Variants in NWD2 observed in about 807,000 individuals in gnomAD.
NWD2 encodes the protein NACHT and WD repeat domain-containing protein 2.
Under a neutral mutation model 132.7 loss-of-function variants are expected in NWD2, and 37 were observed. The ratio of observed to expected loss-of-function variants is 0.28; its 90% confidence interval spans 0.21 to 0.37. The LOEUF (loss-of-function observed/expected upper bound fraction) is 0.37. NWD2 is among the 10% of genes least tolerant of loss of function. NWD2 has a pLI of 1.00. For missense variants in NWD2, 1,592 were observed against 2,122.4 expected, an observed-to-expected ratio of 0.75 and a Z score of 4.91; for synonymous variants, 705 against 803.0, an observed-to-expected ratio of 0.88 and a Z score of 2.06.
chr4:37,315,601 T>G (rs1365995912), intron 1 of NWD2, among the ~76,000 whole-genome samples: 1 of 152,098 alleles, frequency 6.6e-6, no homozygotes, highest in African/African-American at 2.4e-5. Context: ...AAAGTGTGTC[T>G]TTTATATTTA....
At position 37,447,333 on chromosome 4, in the gene NWD2, G is replaced by A; in HGVS notation, c.*116G>A. 3 of 800,982 alleles carry A rather than the reference G, an allele frequency of 3.7e-6. No individual in the cohort carries two copies. The highest frequency in any genetic ancestry group is 2.9e-5 in the Admixed American group (1 of 34,574). The allele number at this position is 800,982 out of a possible 1,614,324, so 49.6% of individuals were successfully genotyped here. ...AGGCAGGAGCGATGCTGGAATTCCA[G>A]TGTTTTATTAAGATGTTCATGAAAT... On this transcript the variant is annotated 3_prime_UTR_variant, in exon 7 of 7. Coordinates refer to ENST00000309447, the MANE Select transcript of NWD2 (RefSeq NM_001144990.2).
At chr4:37,376,773 C>T (rs756603027) in intron 3 of NWD2, among the ~76,000 whole-genome samples, 12 of 152,128 alleles carry the variant, frequency 7.9e-5, no homozygotes, top group Non-Finnish European at 1.5e-4. Flanking sequence ...TATTGGTCCA[C>T]GCTTTCATGT....
At chr4:37,343,924 C>A (rs1264654923) in intron 2 of NWD2, among the ~76,000 whole-genome samples, 1 of 151,828 alleles carries the variant, frequency 6.6e-6, no homozygotes, top group Non-Finnish European at 1.5e-5. Flanking sequence ...GTTTTTAGAC[C>A]AATTTAGCAC....
chr4:37,396,032 G>A (rs1720786491), intron 3 of NWD2, among the ~76,000 whole-genome samples: 1 of 152,076 alleles, frequency 6.6e-6, no homozygotes, highest in Non-Finnish European at 1.5e-5. Context: ...CAAACTCCAA[G>A]TTCTCTGTTC....
intron 1 of NWD2, among the ~76,000 whole-genome samples, chr4:37,292,854 A>G (rs111964825): frequency 5.3e-5 from 8 of 152,248 alleles, no homozygotes; most frequent in East Asian, 1.9e-4. Context: ...TTGAGAATCT[A>G]ATGCCACCAC....
intron 3 of NWD2, among the ~76,000 whole-genome samples, chr4:37,406,875 A>G (rs972875108): frequency 6.6e-6 from 1 of 152,210 alleles, no homozygotes; most frequent in Non-Finnish European, 1.5e-5. Context: ...CAGCCTGAGC[A>G]ACAAGAGCAA....
At chr4:37,332,973 G>T (rs1719324921) in intron 2 of NWD2, among the ~76,000 whole-genome samples, 1 of 152,178 alleles carries the variant, frequency 6.6e-6, no homozygotes, top group South Asian at 2.1e-4. Flanking sequence ...TGAGCTTGGG[G>T]TAGTGGTGGC....
chr4:37,322,476 G>T (rs1719088112), intron 1 of NWD2, among the ~76,000 whole-genome samples: 1 of 152,190 alleles, frequency 6.6e-6, no homozygotes. Flanking sequence ...TATAATCTAA[G>T]AATCAAGTGA....
chr4:37,312,999 G>A (rs1718881284), intron 1 of NWD2, among the ~76,000 whole-genome samples: 1 of 151,070 alleles, frequency 6.6e-6, no homozygotes, highest in Admixed American at 6.6e-5. Context: ...TGGTGGATAA[G>A]CTTTTTGATG....
chr4:37,254,372 AG>A (rs947687318), intron 1 of NWD2, among the ~76,000 whole-genome samples: 2 of 152,348 alleles, frequency 1.3e-5, no homozygotes, highest in Admixed American at 1.3e-4. Flanking sequence ...CAGCTGCAGA[AG>A]ATCTGTAATA....
chr4:37,336,981 G>A (rs1037792989), intron 2 of NWD2, among the ~76,000 whole-genome samples: 7 of 138,888 alleles, frequency 5.0e-5, no homozygotes, highest in African/African-American at 1.8e-4. Flanking sequence ...ACAAGAAATT[G>A]TCCACCTGTC....
At position 37,406,383 on chromosome 4, in the gene NWD2, T is replaced by A. The variant is rs1577693236; in HGVS notation, c.358-24189T>A. On this transcript the variant is annotated intron_variant, in intron 3 of 6. Coordinates refer to ENST00000309447, the MANE Select transcript of NWD2 (RefSeq NM_001144990.2). ...CACCATCTGTCAAGAATTCTTGCCT[T>A]AAAAAAAGGATCTAGAACCAGAAAT... is the stretch of plus-strand genomic sequence containing the variant. Among the ~76,000 whole-genome samples the A allele has an allele frequency of 1.3e-5, 2 of 152,178 alleles. 1 individual carries two copies. Among genetic ancestry groups the A allele is most frequent in the South Asian group, 4.2e-4 (2 of 4,810 alleles).
At chr4:37,381,965 A>G (rs1483779361) in intron 3 of NWD2, among the ~76,000 whole-genome samples, 1 of 152,222 alleles carries the variant, frequency 6.6e-6, no homozygotes, top group Non-Finnish European at 1.5e-5. Context: ...TGAATATTTT[A>G]TCTGTTCAGT....
intron 1 of NWD2, among the ~76,000 whole-genome samples, chr4:37,303,170 A>C (rs1718640627): frequency 6.6e-6 from 1 of 152,232 alleles, no homozygotes; most frequent in South Asian, 2.1e-4. Context: ...GCATATGGAC[A>C]TCCATTTTTC....
intron 3 of NWD2, among the ~76,000 whole-genome samples, chr4:37,403,126 AC>A (rs990066295): frequency 3.3e-5 from 5 of 152,078 alleles, no homozygotes; most frequent in Admixed American, 3.3e-4. Flanking sequence ...CTCAGGAACT[AC>A]CCTCTCTTTT....
intron 1 of NWD2, among the ~76,000 whole-genome samples, chr4:37,277,188 T>C (rs6842842): frequency 0.85 from 128,813 of 151,756 alleles, 55,258 homozygotes; most frequent in African/African-American, 0.95. Context: ...TATGAGATGT[T>C]TTGCTTTTCT....
intron 2 of NWD2, among the ~76,000 whole-genome samples, chr4:37,345,801 G>T (rs552432723): frequency 2.1e-4 from 32 of 152,076 alleles, no homozygotes; most frequent in African/African-American, 7.2e-4. Flanking sequence ...TTTACTCCTG[G>T]CCTGGTGCAG....
chr4:37,358,352 G>A (rs73130367), intron 3 of NWD2, among the ~76,000 whole-genome samples: 240 of 150,280 alleles, frequency 1.6e-3, no homozygotes, highest in Middle Eastern at 3.4e-3. Context: ...ACGTGGTTTG[G>A]GGGGGTTGGG....
intron 1 of NWD2, among the ~76,000 whole-genome samples, chr4:37,276,776 C>A (rs1718024353): frequency 6.6e-6 from 1 of 152,068 alleles, no homozygotes; most frequent in African/African-American, 2.4e-5. Flanking sequence ...GAAAATGTGG[C>A]ACATACACCA....
Sources: gnomAD v4.1 joint callset for allele counts (sites outside exome capture counted in the v4.1 genomes callset) on GRCh38, gnomAD v4.1.1 for gene constraint, MANE v1.5 for transcripts, NCBI Gene and HGNC (gene_info 2026-07-23, HGNC 2026-07-21) for gene names.